ARL8A: variants seen among roughly 807,000 people sequenced by gnomAD.
The protein encoded by ARL8A is ARF like GTPase 8A, also known as ADP-ribosylation factor-like protein 8A.
Under a neutral mutation model 31.2 loss-of-function variants are expected in ARL8A, and 10 were observed. That is an observed-to-expected ratio of 0.32 (90% CI 0.20 to 0.54). The LOEUF (loss-of-function observed/expected upper bound fraction) is 0.54. ARL8A is among the 20% of genes least tolerant of loss of function. The probability of loss-of-function intolerance (pLI) is 0.93; values close to 1 mark genes in which losing one functional copy is unlikely to be tolerated. For synonymous variants in ARL8A, 70 were observed against 86.9 expected (o/e 0.81, Z 1.08); for missense variants, 129 against 242.8 (o/e 0.53, Z 3.12).
At position 202,135,402 on chromosome 1, in the gene ARL8A, G is replaced by T; in HGVS notation, c.440+57C>A. 1.3e-6 allele frequency: 2 copies of T among 1,580,782 alleles called. No homozygotes were observed. Among genetic ancestry groups the T allele is most frequent in the South Asian group, 1.1e-5 (1 of 90,276 alleles). On this transcript the variant is annotated intron_variant, in intron 5 of 6. Coordinates refer to ENST00000272217, the MANE Select transcript of ARL8A (RefSeq NM_138795.4). This position sits in a 1 kb window ranked among gnomAD's most constrained non-coding sequence, Gnocchi z 5.3. ...AGAACAGCAGCAAGCCTAGGCTGTT[G>T]GTCTGGTGGTTGGGGAATTGGGAGA...
At chr1:202,143,795 TC>T (rs1209128542) in intron 1 of ARL8A, among the ~76,000 whole-genome samples, 2 of 152,146 alleles carry the variant, frequency 1.3e-5, no homozygotes, top group African/African-American at 4.8e-5. Flanking sequence ...AGACGGAGTC[TC>T]CAAACTCCCG....
At chr1:202,143,165 G>C (rs1213805649) in intron 1 of ARL8A, among the ~76,000 whole-genome samples, 1 of 152,222 alleles carries the variant, frequency 6.6e-6, no homozygotes, top group Admixed American at 6.5e-5. Context: ...AGAAAGGGCA[G>C]AGGTCATTTG....
Position 202,134,546 on chromosome 1 carries a change from G to C in ARL8A, c.512-30C>G. On this transcript the variant is annotated intron_variant, in intron 6 of 6. Coordinates refer to ENST00000272217, the MANE Select transcript of ARL8A (RefSeq NM_138795.4). The surrounding 1 kb of genome is among the most constrained non-coding windows in gnomAD (Gnocchi z 4.2). The stretch of plus-strand genomic sequence containing the variant: ...TAGGAGAAAAGAGAACAGCTTATAA[G>C]GCCTGCAAGTACTGGCCGTGCTGGG... The C allele has an allele frequency of 6.3e-7, 1 of 1,598,778 alleles. No homozygotes were observed. The highest frequency in any genetic ancestry group is 8.6e-7 in the Non-Finnish European group (1 of 1,166,132).
At chr1:202,143,845 G>A (rs1655228808) in intron 1 of ARL8A, among the ~76,000 whole-genome samples, 1 of 152,224 alleles carries the variant, frequency 6.6e-6, no homozygotes, top group African/African-American at 2.4e-5. Context: ...GCTAGACACT[G>A]CGGGTCGGGG....
chr1:202,143,881 G>C (rs1010883414), intron 1 of ARL8A, among the ~76,000 whole-genome samples: 1 of 152,218 alleles, frequency 6.6e-6, no homozygotes, highest in African/African-American at 2.4e-5. Flanking sequence ...GTCTGGGCTT[G>C]AGCCAAGGGC....
At position 202,135,067 on chromosome 1, in the gene ARL8A, A is replaced by C; in HGVS notation, c.511+83T>G. On this transcript the variant is annotated intron_variant, in intron 6 of 6. Coordinates refer to ENST00000272217, the MANE Select transcript of ARL8A (RefSeq NM_138795.4). This position sits in a 1 kb window ranked among gnomAD's most constrained non-coding sequence, Gnocchi z 5.3. ...GCCACAGGGCTTTGGACTTCAGGGA[A>C]AGTTGTGGAGCGAGAACCTGAGAGC... 7.2e-7 allele frequency: 1 copy of C among 1,386,846 alleles called. No individual in the cohort carries two copies. Among genetic ancestry groups the C allele is most frequent in the Non-Finnish European group, 1.0e-6 (1 of 980,116 alleles). The allele number at this position is 1,386,846 out of a possible 1,614,324, so 85.9% of individuals were successfully genotyped here.
In ARL8A at chr1:202,134,903, G is replaced by A. The variant is rs1174712715; in HGVS notation, c.511+247C>T. 6.6e-6 allele frequency among the ~76,000 whole-genome samples: 1 copy of A among 152,198 alleles called. No homozygotes were observed. The highest frequency in any genetic ancestry group is 2.4e-5 in the African/African-American group (1 of 41,446). ...GCCAGCAGGGACCTGAGAATCACCG[G>A]GTCCAGCCCTGGAATCTTAGAAACG... On this transcript the variant is annotated intron_variant, in intron 6 of 6. Coordinates refer to ENST00000272217, the MANE Select transcript of ARL8A (RefSeq NM_138795.4). The surrounding 1 kb of genome is among the most constrained non-coding windows in gnomAD (Gnocchi z 4.2).
chr1:202,138,558 C>G lies in ARL8A; in HGVS notation c.124-110G>C. 1 of 995,372 alleles carries G rather than the reference C, an allele frequency of 1.0e-6. No homozygotes were observed. The highest frequency in any genetic ancestry group is 1.6e-5 in the African/African-American group (1 of 62,138). 61.7% of individuals were successfully genotyped at this position (995,372 alleles called of 1,614,324 possible). A position where few individuals can be genotyped will look rare whatever the true frequency, so the allele number is the denominator to read the frequency against. On this transcript the variant is annotated intron_variant, in intron 1 of 6. Coordinates refer to ENST00000272217, the MANE Select transcript of ARL8A (RefSeq NM_138795.4). This position sits in a 1 kb window ranked among gnomAD's most constrained non-coding sequence, Gnocchi z 4.4. ...GGCCAGGCCAGAGCTTCCTAGACTTCCCACTGTGGGGTACTCTTGCACATC... is the reference window on the plus strand; with the variant it reads ...GGCCAGGCCAGAGCTTCCTAGACTTGCCACTGTGGGGTACTCTTGCACATC...
rs755310286 is a variant in ARL8A at position 202,138,083 on chromosome 1, C to T, written c.205-45G>A. On this transcript the variant is annotated intron_variant, in intron 2 of 6. Coordinates refer to ENST00000272217, the MANE Select transcript of ARL8A (RefSeq NM_138795.4). This position sits in a 1 kb window ranked among gnomAD's most constrained non-coding sequence, Gnocchi z 4.4. The stretch of plus-strand genomic sequence containing the variant: ...GATAGCCTCAGTAGTGGGCAGGCCA[C>T]CAAAACGTGTCTTGGGTCTCAAATG... 1 of 1,608,472 alleles carries T rather than the reference C, an allele frequency of 6.2e-7. No individual in the cohort carries two copies. The highest frequency in any genetic ancestry group is 1.1e-5 in the South Asian group (1 of 90,942).
rs180725602 is a variant in ARL8A at position 202,134,029 on chromosome 1, C to A, written c.*438G>T. The A allele has an allele frequency of 3.2e-3, 483 of 152,546 alleles. 3 individuals carry two copies. Among genetic ancestry groups the A allele is most frequent in the African/African-American group, 0.011 (463 of 41,540 alleles). The allele number at this position is 152,546 out of a possible 1,614,324, so 9.4% of individuals were successfully genotyped here. ...CTCTCCAGACTGCCCCCTCCCAGAT[C>A]CTGAAAGGCCCCTGCAGCATCAAAT... On this transcript the variant is annotated 3_prime_UTR_variant, in exon 7 of 7. Transcript: ENST00000272217. The surrounding 1 kb of genome is among the most constrained non-coding windows in gnomAD (Gnocchi z 4.2).
Position 202,134,154 on chromosome 1 carries a change from A to G in ARL8A, c.*313T>C, listed in dbSNP as rs764076203. On this transcript the variant is annotated 3_prime_UTR_variant, in exon 7 of 7. Coordinates refer to ENST00000272217, the MANE Select transcript of ARL8A (RefSeq NM_138795.4). The surrounding 1 kb of genome is among the most constrained non-coding windows in gnomAD (Gnocchi z 4.2). ...AACAGAGAGTGTTGAAAAGGGAGGT[A>G]CAAGAGCGGGCCGGGGAAAAGCCAG... 7.3e-6 allele frequency: 3 copies of G among 412,340 alleles called. No homozygotes were observed. Among genetic ancestry groups the G allele is most frequent in the Non-Finnish European group, 1.4e-5 (3 of 222,160 alleles). The allele number at this position is 412,340 out of a possible 1,614,324, so 25.5% of individuals were successfully genotyped here. A position where few individuals can be genotyped will look rare whatever the true frequency, so the allele number is the denominator to read the frequency against.
chr1:202,135,356 G>C lies in ARL8A; in HGVS notation c.440+103C>G. 6.7e-7 allele frequency: 1 copy of C among 1,503,206 alleles called. No homozygotes were observed. Among genetic ancestry groups the C allele is most frequent in the Non-Finnish European group, 9.3e-7 (1 of 1,080,054 alleles). The allele number at this position is 1,503,206 out of a possible 1,614,324, so 93.1% of individuals were successfully genotyped here. A position where few individuals can be genotyped will look rare whatever the true frequency, so the allele number is the denominator to read the frequency against. ...GGTGCCTGAAAAGGTCGGCTCTGCT[G>C]CCACCGTGTGGCTAATACTAAGAAC... On this transcript the variant is annotated intron_variant, in intron 5 of 6. Transcript: ENST00000272217. This position sits in a 1 kb window ranked among gnomAD's most constrained non-coding sequence, Gnocchi z 5.3.
Position 202,134,338 on chromosome 1 carries a change from G to T in ARL8A, c.*129C>A. On this transcript the variant is annotated 3_prime_UTR_variant, in exon 7 of 7. Transcript: ENST00000272217. The surrounding 1 kb of genome is among the most constrained non-coding windows in gnomAD (Gnocchi z 4.2). Reference sequence around the variant, plus strand: ...AACCTCAGCAGAACAGGACTCTGGGGTCCCCAGAGGGCCCTCCTCACACTG... The same window carrying T: ...AACCTCAGCAGAACAGGACTCTGGGTTCCCCAGAGGGCCCTCCTCACACTG... 2.4e-6 allele frequency: 2 copies of T among 850,586 alleles called. No individual in the cohort carries two copies. Among genetic ancestry groups the T allele is most frequent in the Non-Finnish European group, 3.8e-6 (2 of 521,480 alleles). 52.7% of individuals were successfully genotyped at this position (850,586 alleles called of 1,614,324 possible). A position where few individuals can be genotyped will look rare whatever the true frequency, so the allele number is the denominator to read the frequency against.
intron 1 of ARL8A, among the ~76,000 whole-genome samples, chr1:202,139,626 C>T (rs1418896171): frequency 2.1e-5 from 3 of 141,866 alleles, no homozygotes; most frequent in Admixed American, 1.5e-4. Context: ...GGTGATAGCC[C>T]TGTTCCTTTT....
chr1:202,140,240 C>T (rs1471395691), intron 1 of ARL8A, among the ~76,000 whole-genome samples: 2 of 151,868 alleles, frequency 1.3e-5, no homozygotes, highest in Non-Finnish European at 2.9e-5. Flanking sequence ...AGCAGTTCTC[C>T]TGCCTCAGCC....
intron 3 of ARL8A, among the ~76,000 whole-genome samples, chr1:202,137,701 G>A (rs1019582124): frequency 1.3e-5 from 2 of 152,144 alleles, no homozygotes; most frequent in African/African-American, 4.8e-5. Flanking sequence ...AGGGGAGGGA[G>A]ACAAGTCAAT....
intron 3 of ARL8A, among the ~76,000 whole-genome samples, chr1:202,137,314 T>C (rs1381237503): frequency 1.3e-5 from 2 of 152,112 alleles, no homozygotes; most frequent in Admixed American, 6.6e-5. Context: ...TGTGGCACCA[T>C]GCTCAGCCAA....
At chr1:202,139,264 C>A (rs1655099688) in intron 1 of ARL8A, among the ~76,000 whole-genome samples, 1 of 152,160 alleles carries the variant, frequency 6.6e-6, no homozygotes, top group African/African-American at 2.4e-5. Flanking sequence ...CTGCTTATCC[C>A]TTGGAAGCAG....
At position 202,135,586 on chromosome 1, in the gene ARL8A, G is replaced by A. The variant is rs1654984314; in HGVS notation, c.373-60C>T. The A allele has an allele frequency of 6.3e-7, 1 of 1,593,244 alleles. No individual in the cohort carries two copies. Among genetic ancestry groups the A allele is most frequent in the South Asian group, 1.1e-5 (1 of 90,608 alleles). ...GCAGCCGTGCCCAGGTTGTCTGGGT[G>A]GTGAGCTGGCCTCCTGGGTCCCGTT... On this transcript the variant is annotated intron_variant, in intron 4 of 6. Coordinates refer to ENST00000272217, the MANE Select transcript of ARL8A (RefSeq NM_138795.4). This position sits in a 1 kb window ranked among gnomAD's most constrained non-coding sequence, Gnocchi z 5.3.
Sources: allele counts gnomAD v4.1 joint callset (sites outside exome capture counted in the v4.1 genomes callset), GRCh38; gene constraint gnomAD v4.1.1; non-coding constraint Gnocchi (gnomAD v3.1); transcripts MANE v1.5; gene names NCBI Gene and HGNC (gene_info 2026-07-23, HGNC 2026-07-21).